SORCS2: variants seen among roughly 807,000 people sequenced by gnomAD.
The protein encoded by SORCS2 is sortilin related VPS10 domain containing receptor 2, also known as VPS10 domain-containing receptor SorCS2.
Under a neutral mutation model 141.6 loss-of-function variants are expected in SORCS2, and 100 were observed. The observed-to-expected ratio is 0.71, with a 90% CI of 0.60 to 0.83. SORCS2 has a LOEUF of 0.83. SORCS2 is among the 40% of genes least tolerant of loss of function. The pLI, the probability that SORCS2 is intolerant of heterozygous loss-of-function variation, is 0.00. For missense variants in SORCS2, 1,646 were observed against 1,560.2 expected, an observed-to-expected ratio of 1.05 and a Z score of -0.93; for synonymous variants, 789 against 676.9, an observed-to-expected ratio of 1.17 and a Z score of -2.57.
intron 1 of SORCS2, among the ~76,000 whole-genome samples, chr4:7,247,977 G>A (rs964226975): frequency 1.3e-5 from 2 of 152,242 alleles, no homozygotes; most frequent in Non-Finnish European, 2.9e-5. Context: ...GACAGGAAGA[G>A]TCCCTCTGGG....
intron 2 of SORCS2, chr4:7,433,890 G>C: frequency 6.2e-7 from 1 of 1,613,930 alleles, no homozygotes; most frequent in South Asian, 1.1e-5. Flanking sequence ...TCGTGATAGA[G>C]GCAGGCATTA....
intron 26 of SORCS2, among the ~76,000 whole-genome samples, chr4:7,739,653 C>T (rs1043092036): frequency 1.3e-5 from 2 of 152,148 alleles, no homozygotes; most frequent in African/African-American, 4.8e-5. Context: ...CTGGGCTGTG[C>T]CGCGGGTGCT....
Position 7,740,401 on chromosome 4 carries a change from C to A in SORCS2, c.*137C>A, listed in dbSNP as rs1335643180. On this transcript the variant is annotated 3_prime_UTR_variant, in exon 27 of 27. Coordinates refer to ENST00000507866, the MANE Select transcript of SORCS2 (RefSeq NM_020777.3). ...TCGCCACACCAGGCGACAGGCACCA[C>A]CCCCTCTGATAAATCCAAGCCCGCC... The A allele has an allele frequency of 6.5e-6, 5 of 763,568 alleles. No homozygotes were observed. Among genetic ancestry groups the A allele is most frequent in the Non-Finnish European group, 1.1e-5 (5 of 460,290 alleles). The allele number at this position is 763,568 out of a possible 1,614,324, so 47.3% of individuals were successfully genotyped here. A position where few individuals can be genotyped will look rare whatever the true frequency, so the allele number is the denominator to read the frequency against.
At chr4:7,443,287 A>G (rs1157671579) in intron 2 of SORCS2, among the ~76,000 whole-genome samples, 1 of 152,208 alleles carries the variant, frequency 6.6e-6, no homozygotes, top group Admixed American at 6.5e-5. Flanking sequence ...GTTCAGATCC[A>G]GCCTTGGCCC....
intron 3 of SORCS2, among the ~76,000 whole-genome samples, chr4:7,539,252 T>C (rs1223422493): frequency 6.6e-6 from 1 of 152,194 alleles, no homozygotes; most frequent in African/African-American, 2.4e-5. Flanking sequence ...GCACAGATCC[T>C]GGAGCTGTGG....
chr4:7,684,352 G>C (rs935886924), intron 10 of SORCS2, among the ~76,000 whole-genome samples: 4 of 152,220 alleles, frequency 2.6e-5, no homozygotes, highest in Non-Finnish European at 5.9e-5. Context: ...GCCTGACATG[G>C]AGCAATCTGC....
intron 2 of SORCS2, among the ~76,000 whole-genome samples, chr4:7,486,048 G>A (rs1402895394): frequency 6.6e-6 from 1 of 152,174 alleles, no homozygotes; most frequent in African/African-American, 2.4e-5. Context: ...CGAAGCCCAC[G>A]GATGTCACCC....
chr4:7,279,799 C>T (rs1441185802), intron 1 of SORCS2, among the ~76,000 whole-genome samples: 1 of 152,204 alleles, frequency 6.6e-6, no homozygotes, highest in Non-Finnish European at 1.5e-5. Context: ...TTTGTATTTA[C>T]AGTTAACAGG....
intron 23 of SORCS2, among the ~76,000 whole-genome samples, chr4:7,731,782 C>A (rs752138082): frequency 6.6e-6 from 1 of 152,208 alleles, no homozygotes; most frequent in South Asian, 2.1e-4. Flanking sequence ...CAATTAGATT[C>A]TTACACCCTC....
chr4:7,296,582 T>TG (rs1717074079), intron 1 of SORCS2, among the ~76,000 whole-genome samples: 1 of 152,170 alleles, frequency 6.6e-6, no homozygotes, highest in East Asian at 1.9e-4. Context: ...GAGGCACCGA[T>TG]GGAGGGGTGG....
rs1553859441 is a variant in SORCS2 at position 7,418,703 on chromosome 4, C to CCG, written c.548+22349_548+22350insGC. On this transcript the variant is annotated intron_variant, in intron 2 of 26. Coordinates refer to ENST00000507866, the MANE Select transcript of SORCS2 (RefSeq NM_020777.3). ...TTAGCTTTTGCTGCGTAACAAATGA[C>CCG]CCCCCCCCCCACCAGATTTGTAGAT... 5.7e-4 allele frequency among the ~76,000 whole-genome samples: 21 copies of CCG among 36,976 alleles called. 2 individuals carry two copies. The South Asian group carries it at 0.019, about 33-fold the overall frequency. 24.3% of individuals were successfully genotyped at this position (36,976 alleles called of 152,430 possible).
At chr4:7,702,039 C>T (rs189147011) in intron 12 of SORCS2, among the ~76,000 whole-genome samples, 1 of 152,334 alleles carries the variant, frequency 6.6e-6, no homozygotes, top group East Asian at 1.9e-4. Flanking sequence ...CTCTGCACAG[C>T]TGTGCCTTCC....
intron 1 of SORCS2, among the ~76,000 whole-genome samples, chr4:7,200,923 T>C (rs1036447762): frequency 6.6e-6 from 1 of 152,176 alleles, no homozygotes; most frequent in African/African-American, 2.4e-5. Context: ...TGAAACTAGC[T>C]CAAGGCCCGG....
intron 3 of SORCS2, among the ~76,000 whole-genome samples, chr4:7,537,306 C>T (rs1712213732): frequency 6.6e-6 from 1 of 152,202 alleles, no homozygotes; most frequent in African/African-American, 2.4e-5. Flanking sequence ...CCTGGTCTCC[C>T]AGGGCGATCC....
chr4:7,540,252 A>C (rs1164814448), intron 3 of SORCS2, among the ~76,000 whole-genome samples: 2 of 138,030 alleles, frequency 1.4e-5, no homozygotes, highest in African/African-American at 5.4e-5. Context: ...CCTTCCTGCC[A>C]ACTGCTGACC....
chr4:7,268,505 C>T lies in SORCS2; in HGVS notation c.480+75379C>T, dbSNP rs115607088. On this transcript the variant is annotated intron_variant, in intron 1 of 26. Coordinates refer to ENST00000507866, the MANE Select transcript of SORCS2 (RefSeq NM_020777.3). ...CCGATGGCCACCCCAGATCAGGTGC[C>T]GTCGTTAATGAGGCTGCCAGGATCA... Among the ~76,000 whole-genome samples, 294 of 152,294 alleles carry T rather than the reference C, an allele frequency of 1.9e-3. 1 individual carries two copies. The highest frequency in any genetic ancestry group is 6.7e-3 in the African/African-American group (278 of 41,554).
intron 1 of SORCS2, among the ~76,000 whole-genome samples, chr4:7,291,520 A>G (rs1035702175): frequency 6.6e-6 from 1 of 152,068 alleles, no homozygotes. Flanking sequence ...GAGAGATCAC[A>G]TGGCGTTTTG....
chr4:7,433,451 G>A lies in SORCS2; in HGVS notation c.548+37096G>A, dbSNP rs200787392. 4.3e-5 allele frequency: 67 copies of A among 1,551,498 alleles called. No homozygotes were observed. In the African/African-American group the frequency reaches 8.3e-4, roughly 19 times the overall value. Reference sequence around the variant, plus strand: ...CCCAGGGCACACTGGTCGGTGCCCAGCAGTGGGGTCCTGGGGCCGTGGCAG... The same window carrying A: ...CCCAGGGCACACTGGTCGGTGCCCAACAGTGGGGTCCTGGGGCCGTGGCAG... On this transcript the variant is annotated intron_variant, in intron 2 of 26. Transcript: ENST00000507866.
At chr4:7,726,531 G>C (rs1292500060) in intron 20 of SORCS2, among the ~76,000 whole-genome samples, 1 of 152,108 alleles carries the variant, frequency 6.6e-6, no homozygotes, top group African/African-American at 2.4e-5. Flanking sequence ...CCAAGATTGC[G>C]CCACTGCACT....
Sources: allele counts gnomAD v4.1 joint callset (sites outside exome capture counted in the v4.1 genomes callset), GRCh38; gene constraint gnomAD v4.1.1; transcripts MANE v1.5; gene names NCBI Gene and HGNC (gene_info 2026-07-23, HGNC 2026-07-21).